SOX5: variants seen among roughly 807,000 people sequenced by gnomAD.
The protein encoded by SOX5 is transcription factor SOX-5.
Under a neutral mutation model 92.0 loss-of-function variants are expected in SOX5, and 9 were observed. That is an observed-to-expected ratio of 0.10 (90% CI 0.06 to 0.17). The LOEUF (loss-of-function observed/expected upper bound fraction) is 0.17, where lower values mean the gene tolerates loss of function less well. Among genes scored for constraint, SOX5 ranks in the 10% least tolerant of loss-of-function variants. The pLI is 1.00. For synonymous variants in SOX5, 344 were observed against 336.3 expected, an observed-to-expected ratio of 1.02 and a Z score of -0.25; for missense variants, 642 against 944.5, an observed-to-expected ratio of 0.68 and a Z score of 4.20.
chr12:24,129,358 G>A (rs1016060217), intron 4 of SOX5, among the ~76,000 whole-genome samples: 62 of 152,006 alleles, frequency 4.1e-4, no homozygotes, highest in Middle Eastern at 3.4e-3. Context: ...GTAATGCTAC[G>A]GACTCTATTA....
At chr12:24,388,813 C>G (rs139732858) in intron 1 of SOX5, among the ~76,000 whole-genome samples, 3,707 of 152,136 alleles carry the variant, frequency 0.024, 71 homozygotes, top group East Asian at 0.052. Flanking sequence ...TACTTTCTGT[C>G]TCTATATATT....
intron 2 of SOX5, among the ~76,000 whole-genome samples, chr12:23,887,354 G>A (rs548388934): frequency 6.6e-6 from 1 of 152,276 alleles, no homozygotes; most frequent in Admixed American, 6.5e-5. Context: ...AGAGGAAAAA[G>A]AGAAGCAAAG....
rs1596289198 is a variant in SOX5, at chr12:24,398,246, G to C, written c.-250-29607C>G. Among the ~76,000 whole-genome samples the C allele has an allele frequency of 4.6e-5, 7 of 152,312 alleles. 1 individual carries two copies. Among genetic ancestry groups the C allele is most frequent in the Admixed American group, 4.6e-4 (7 of 15,304 alleles). On this transcript the variant is annotated intron_variant, in intron 1 of 4. Coordinates refer to the SOX5 transcript ENST00000446891. Reference sequence around the variant, plus strand: ...AGGCCAGATGCAGTGGCTCACGCCTGTAATCCCAACCCTTTGGAAGGCCAA... The same window carrying C: ...AGGCCAGATGCAGTGGCTCACGCCTCTAATCCCAACCCTTTGGAAGGCCAA...
At chr12:23,991,348 A>AAAT (rs1950540340) in intron 4 of SOX5, among the ~76,000 whole-genome samples, 1 of 148,662 alleles carries the variant, frequency 6.7e-6, no homozygotes, top group African/African-American at 2.5e-5. Flanking sequence ...CAACAAAAAA[A>AAAT]ATATATATAT....
chr12:24,362,233 G>A (rs1314397870), intron 2 of SOX5, among the ~76,000 whole-genome samples: 1 of 152,178 alleles, frequency 6.6e-6, no homozygotes, highest in South Asian at 2.1e-4. Flanking sequence ...CGTTACAGAA[G>A]TCATAAGGGG....
rs1946727743 is a variant in SOX5, at chr12:24,292,479, T to C, written c.-173-15167A>G. The stretch of plus-strand genomic sequence containing the variant: ...AAGGATCATAGATACATTACACTTA[T>C]GTACCTGCTACAAAATGAGAACTCA... On this transcript the variant is annotated intron_variant, in intron 2 of 4. Transcript: ENST00000446891. Among the ~76,000 whole-genome samples, 4 of 152,254 alleles carry C rather than the reference T, an allele frequency of 2.6e-5. No homozygotes were observed. The South Asian group carries it at 8.3e-4, about 32-fold the overall frequency.
chr12:24,308,292 C>T lies in SOX5; in HGVS notation c.-173-30980G>A, dbSNP rs114389406. 8.0e-3 allele frequency among the ~76,000 whole-genome samples: 1,212 copies of T among 152,300 alleles called. 15 individuals carry two copies. The highest frequency in any genetic ancestry group is 0.028 in the African/African-American group (1,152 of 41,566). On this transcript the variant is annotated intron_variant, in intron 2 of 4. Transcript: ENST00000446891. ...AAGGGAAGAACCAGGGAAAAAGTAA[C>T]GCAAGACCCGGGAAGTATATGCCAA...
chr12:24,046,314 T>C (rs911008462), intron 4 of SOX5, among the ~76,000 whole-genome samples: 5 of 152,318 alleles, frequency 3.3e-5, no homozygotes, highest in South Asian at 4.2e-4. Flanking sequence ...CGAAATGGAA[T>C]CTGTTCTGAA....
At chr12:24,172,078 C>CGTGT (rs140419339) in intron 4 of SOX5, among the ~76,000 whole-genome samples, 1 of 139,060 alleles carries the variant, frequency 7.2e-6, no homozygotes, top group African/African-American at 2.6e-5. Flanking sequence ...ACTGTGTGTG[C>CGTGT]GTGTGTGTGT....
At chr12:23,998,000 T>A (rs1951198673) in intron 4 of SOX5, among the ~76,000 whole-genome samples, 1 of 152,098 alleles carries the variant, frequency 6.6e-6, no homozygotes, top group African/African-American at 2.4e-5. Context: ...AGCATTGCTG[T>A]ATTATCAAAT....
intron 2 of SOX5, among the ~76,000 whole-genome samples, chr12:24,352,439 C>G (rs2141178060): frequency 6.6e-6 from 1 of 152,332 alleles, no homozygotes; most frequent in East Asian, 1.9e-4. Context: ...CCCACAGGTT[C>G]ATGTCATGAT....
rs139325507 is a variant in SOX5 at position 23,724,279 on chromosome 12, C to T, written c.810+10405G>A. Among the ~76,000 whole-genome samples the T allele has an allele frequency of 1.6e-3, 245 of 152,146 alleles. 4 individuals carry two copies. The highest frequency in any genetic ancestry group is 1.5e-3 in the Non-Finnish European group (102 of 67,970). On this transcript the variant is annotated intron_variant, in intron 6 of 14. Transcript: ENST00000451604. ...TGTCAGGGTTTCAGAATAACACACA[C>T]GCATACACACACACATACACACAGG...
chr12:24,505,874 C>CACGCGCGTGTGTGTGTGT (rs1555327846), intron 1 of SOX5, among the ~76,000 whole-genome samples: 1 of 148,018 alleles, frequency 6.8e-6, no homozygotes, highest in Non-Finnish European at 1.5e-5. Flanking sequence ...TGTGTGTGTG[C>CACGCGCGTGTGTGTGTGT]GCATCACTGC....
At chr12:23,779,808 T>TACACACAC (rs1230420618) in intron 3 of SOX5, among the ~76,000 whole-genome samples, 1 of 104,964 alleles carries the variant, frequency 9.5e-6, no homozygotes, top group African/African-American at 4.5e-5. Context: ...TATATATATA[T>TACACACAC]ATATATACAC....
intron 2 of SOX5, among the ~76,000 whole-genome samples, chr12:24,360,886 A>G (rs1444554725): frequency 6.6e-6 from 1 of 152,250 alleles, no homozygotes; most frequent in Non-Finnish European, 1.5e-5. Context: ...AAAATGATAA[A>G]GTGCTCTTCA....
intron 1 of SOX5, among the ~76,000 whole-genome samples, chr12:24,533,906 C>T (rs759056683): frequency 1.3e-5 from 2 of 152,140 alleles, no homozygotes; most frequent in Non-Finnish European, 2.9e-5. Context: ...AGTGTGCACG[C>T]TGTGAATGTA....
chr12:23,988,328 G>A (rs552536549), intron 4 of SOX5, among the ~76,000 whole-genome samples: 1 of 152,238 alleles, frequency 6.6e-6, no homozygotes, highest in African/African-American at 2.4e-5. Context: ...CTGAAACATA[G>A]GCAAGGAGAT....
At chr12:24,019,554 C>G (rs1203436959) in intron 4 of SOX5, among the ~76,000 whole-genome samples, 1 of 152,218 alleles carries the variant, frequency 6.6e-6, no homozygotes, top group Admixed American at 6.6e-5. Flanking sequence ...ATAGAGCAAG[C>G]AAACAGCTAT....
intron 4 of SOX5, among the ~76,000 whole-genome samples, chr12:24,146,426 T>C (rs1308591299): frequency 6.6e-6 from 1 of 152,080 alleles, no homozygotes; most frequent in East Asian, 1.9e-4. Flanking sequence ...AGAAAGTATC[T>C]GAACTAAGTG....
Sources: allele counts gnomAD v4.1 joint callset (sites outside exome capture counted in the v4.1 genomes callset), GRCh38; gene constraint gnomAD v4.1.1; transcripts MANE v1.5; gene names NCBI Gene and HGNC (gene_info 2026-07-23, HGNC 2026-07-21).